The following PTPRD variants were observed in gnomAD, a reference collection of about 807,000 sequenced individuals.
PTPRD encodes receptor-type tyrosine-protein phosphatase delta.
In PTPRD, 34 loss-of-function variants were observed where a neutral mutation model predicts 214.5. That is an observed-to-expected ratio of 0.16 (90% CI 0.12 to 0.21). PTPRD has a LOEUF of 0.21. PTPRD is among the 10% of genes least tolerant of loss of function. PTPRD has a pLI of 1.00. For missense variants in PTPRD, 2,545 were observed against 2,398.7 expected (o/e 1.06, Z -1.27); for synonymous variants, 1,128 against 845.7 (o/e 1.33, Z -5.79).
At chr9:9,931,747 C>T (rs1341118368) in intron 5 of PTPRD, among the ~76,000 whole-genome samples, 1 of 151,884 alleles carries the variant, frequency 6.6e-6, no homozygotes, top group Non-Finnish European at 1.5e-5. Flanking sequence ...GGCCTGCCTA[C>T]CTCTGTAGGC....
chr9:8,331,931 C>A (rs1370266157), intron 43 of PTPRD, among the ~76,000 whole-genome samples, 195 bp from the exon 44 acceptor site: 13 of 37,000 alleles, frequency 3.5e-4, no homozygotes, highest in African/African-American at 1.5e-3. Flanking sequence ...ACCTTTAAAT[C>A]CTAAATTTAT....
At chr9:9,871,984 A>G (rs541673463) in intron 5 of PTPRD, among the ~76,000 whole-genome samples, 1 of 152,170 alleles carries the variant, frequency 6.6e-6, no homozygotes, top group African/African-American at 2.4e-5. Flanking sequence ...ACTTCATTTA[A>G]TCCTCACCAC....
intron 2 of PTPRD, among the ~76,000 whole-genome samples, chr9:10,560,059 T>C (rs1399117893): frequency 2.0e-5 from 3 of 152,160 alleles, no homozygotes; most frequent in South Asian, 4.1e-4. Context: ...CATTACTGGG[T>C]ATATACCCAA....
chr9:8,893,437 G>C (rs73422016), intron 11 of PTPRD, among the ~76,000 whole-genome samples: 3,234 of 152,214 alleles, frequency 0.021, 116 homozygotes, highest in African/African-American at 0.073. Flanking sequence ...ACCAAGAAAG[G>C]ACCATGATGC....
At chr9:8,894,274 G>C (rs758541777) in intron 11 of PTPRD, among the ~76,000 whole-genome samples, 1 of 143,520 alleles carries the variant, frequency 7.0e-6, no homozygotes, top group Non-Finnish European at 1.5e-5. Flanking sequence ...ATTATTGCTT[G>C]AACCTGGGAG....
At chr9:10,503,208 C>CAAAAA (rs1182534691) in intron 2 of PTPRD, among the ~76,000 whole-genome samples, 2 of 118,456 alleles carry the variant, frequency 1.7e-5, no homozygotes, top group Non-Finnish European at 3.4e-5. Context: ...AAAAAAAAAA[C>CAAAAA]AAAAAAAAAC....
chr9:8,597,601 A>G (rs572097728), intron 14 of PTPRD, among the ~76,000 whole-genome samples: 5 of 152,222 alleles, frequency 3.3e-5, no homozygotes, highest in African/African-American at 1.2e-4. Context: ...TCAAGTTTAC[A>G]TTTAGAACTA....
intron 3 of PTPRD, among the ~76,000 whole-genome samples, chr9:10,116,702 T>C (rs1314250090): frequency 6.6e-6 from 1 of 152,150 alleles, no homozygotes; most frequent in African/African-American, 2.4e-5. Context: ...AGTCAGGTCA[T>C]GTCACTGCAC....
intron 5 of PTPRD, among the ~76,000 whole-genome samples, chr9:9,914,722 G>T (rs2080204024): frequency 6.6e-6 from 1 of 151,716 alleles, no homozygotes; most frequent in South Asian, 2.1e-4. Flanking sequence ...CCATACATAA[G>T]CTGACTACCA....
intron 5 of PTPRD, among the ~76,000 whole-genome samples, chr9:9,896,702 A>C (rs1227182213): frequency 6.6e-6 from 1 of 152,118 alleles, no homozygotes; most frequent in Admixed American, 6.6e-5. Flanking sequence ...AGAATACTTT[A>C]AAGAACATAT....
At chr9:8,670,174 A>G (rs879142613) in intron 12 of PTPRD, among the ~76,000 whole-genome samples, 1 of 152,118 alleles carries the variant, frequency 6.6e-6, no homozygotes, top group Admixed American at 6.5e-5. Context: ...AAAAAGATCT[A>G]CTTATTTAAC....
intron 14 of PTPRD, among the ~76,000 whole-genome samples, chr9:8,594,776 G>C (rs1416870891): frequency 1.3e-5 from 2 of 151,316 alleles, no homozygotes; most frequent in Non-Finnish European, 2.9e-5. Flanking sequence ...ACTGTGAGTT[G>C]ATTAAGCCTC....
chr9:9,272,271 T>C (rs562685907), intron 9 of PTPRD, among the ~76,000 whole-genome samples: 2 of 151,272 alleles, frequency 1.3e-5, no homozygotes, highest in Non-Finnish European at 3.0e-5. Flanking sequence ...GAGATTGATA[T>C]GCAGGCACAC....
Position 8,757,026 on chromosome 9 carries a change from C to A in PTPRD, c.-103-23080G>T, listed in dbSNP as rs147554609. On this transcript the variant is annotated intron_variant, in intron 11 of 45. Transcript: ENST00000381196. Reference sequence around the variant, plus strand: ...GTATGGTGATGGACACCTGTAATCCCAGCTACTCGGGAGGCTGAGGCAGGA... The same window carrying A: ...GTATGGTGATGGACACCTGTAATCCAAGCTACTCGGGAGGCTGAGGCAGGA... Among the ~76,000 whole-genome samples the A allele has an allele frequency of 1.8e-3, 275 of 152,220 alleles. 2 individuals are homozygous for A. The highest frequency in any genetic ancestry group is 3.5e-3 in the Non-Finnish European group (241 of 68,002).
At chr9:8,720,915 T>C (rs1471555477) in intron 12 of PTPRD, among the ~76,000 whole-genome samples, 3 of 152,146 alleles carry the variant, frequency 2.0e-5, no homozygotes, top group African/African-American at 7.2e-5. Context: ...TGAGCTCTCT[T>C]GCCTGCTCTT....
intron 14 of PTPRD, among the ~76,000 whole-genome samples, chr9:8,620,239 T>C (rs2095774001): frequency 6.6e-6 from 1 of 152,048 alleles, no homozygotes; most frequent in African/African-American, 2.4e-5. Flanking sequence ...TTCTGTATCA[T>C]TTGCTCATTG....
At chr9:8,577,315 G>C (rs1026149219) in intron 14 of PTPRD, among the ~76,000 whole-genome samples, 2 of 152,074 alleles carry the variant, frequency 1.3e-5, no homozygotes, top group Admixed American at 6.6e-5. Context: ...AGTACAATTG[G>C]CGTGATCTTG....
chr9:9,321,146 G>C (rs1391358984), intron 9 of PTPRD, among the ~76,000 whole-genome samples: 1 of 152,110 alleles, frequency 6.6e-6, no homozygotes, highest in African/African-American at 2.4e-5. Context: ...ATGAAATAAA[G>C]ATACAAAATT....
chr9:9,678,168 C>G (rs1249736577), intron 7 of PTPRD, among the ~76,000 whole-genome samples: 1 of 151,948 alleles, frequency 6.6e-6, no homozygotes, highest in East Asian at 1.9e-4. Flanking sequence ...GATTCAATGC[C>G]ATCCCCATCA....
Sources: allele counts gnomAD v4.1 joint callset (sites outside exome capture counted in the v4.1 genomes callset), GRCh38; gene constraint gnomAD v4.1.1; transcripts MANE v1.5; gene names NCBI Gene and HGNC (gene_info 2026-07-23, HGNC 2026-07-21).